ADGRG1: variants seen among roughly 807,000 people sequenced by gnomAD.
ADGRG1 encodes the protein adhesion G protein-coupled receptor G1.
In ADGRG1, 53 loss-of-function variants were observed where a neutral mutation model predicts 73.5. That is an observed-to-expected ratio of 0.72 (90% confidence interval 0.58 to 0.91). The LOEUF (loss-of-function observed/expected upper bound fraction) is 0.91. Among genes scored for constraint, ADGRG1 ranks in the 40% least tolerant of loss-of-function variants. ADGRG1 has a pLI of 0.00. For synonymous variants in ADGRG1, 394 were observed against 374.4 expected, an observed-to-expected ratio of 1.05 and a Z score of -0.60; for missense variants, 795 against 871.8, an observed-to-expected ratio of 0.91 and a Z score of 1.11.
At chr16:57,648,901 G>A (rs748187471) in intron 1 of ADGRG1, among the ~76,000 whole-genome samples, 8 of 152,218 alleles carry the variant, frequency 5.3e-5, no homozygotes, top group Non-Finnish European at 8.8e-5. Context: ...CCCTGGCCTC[G>A]GGAGCATTTT....
intron 1 of ADGRG1, chr16:57,648,071 C>T (rs2148090828): frequency 6.6e-6 from 1 of 152,382 alleles, no homozygotes; most frequent in Non-Finnish European, 1.5e-5. Flanking sequence ...CTCAGGAGGT[C>T]ACTGGCCCTC....
intron 2 of ADGRG1, chr16:57,650,862 C>T (rs1298600798): frequency 1.2e-5 from 2 of 160,392 alleles, no homozygotes; most frequent in African/African-American, 2.4e-5. Context: ...GCGCCCGCCA[C>T]TATGCCCGGC....
At chr16:57,655,633 C>T in intron 6 of ADGRG1, 103 bp downstream of exon 6, 1 of 1,591,088 alleles carries the variant, frequency 6.3e-7, no homozygotes. Context: ...GGAGTCAAAG[C>T]CTTTCCTTGT....
At chr16:57,631,692 C>CG in intron 1 of ADGRG1, 1 of 858,556 alleles carries the variant, frequency 1.2e-6, no homozygotes, top group Non-Finnish European at 1.4e-6. Flanking sequence ...AAATGGGGGG[C>CG]GGGGCGGGCT....
At chr16:57,635,242 A>G in intron 1 of ADGRG1, 1 of 985,380 alleles carries the variant, frequency 1.0e-6, no homozygotes, top group South Asian at 4.7e-5. Flanking sequence ...AAGCTGGAAG[A>G]AACCCTCGTG....
intron 1 of ADGRG1, chr16:57,645,015 C>T (rs1422316028): frequency 4.3e-6 from 4 of 936,224 alleles, no homozygotes; most frequent in South Asian, 4.9e-5. Flanking sequence ...CATGCATGGG[C>T]GCACACACTC....
At chr16:57,649,797 A>G (rs2043588056) in intron 1 of ADGRG1, among the ~76,000 whole-genome samples, 1 of 151,592 alleles carries the variant, frequency 6.6e-6, no homozygotes, top group African/African-American at 2.4e-5. Context: ...TTTTTTTTTA[A>G]AGCAGGGTCT....
At chr16:57,659,770 T>C in intron 11 of ADGRG1, 89 bp downstream of exon 11, 1 of 1,371,454 alleles carries the variant, frequency 7.3e-7, no homozygotes, top group East Asian at 2.3e-5. Context: ...TCTCCACCTA[T>C]CTCTCTGACT....
At chr16:57,622,486 G>A (rs142421494) in intron 2 of ADGRG1, among the ~76,000 whole-genome samples, 1 of 152,288 alleles carries the variant, frequency 6.6e-6, no homozygotes, top group East Asian at 1.9e-4. Context: ...GAGGTGCAGA[G>A]GACACCGTGA....
At chr16:57,629,116 G>A (rs920863411) in intron 1 of ADGRG1, 14 of 947,534 alleles carry the variant, frequency 1.5e-5, no homozygotes, top group African/African-American at 3.5e-5. Context: ...GTGTGCATCC[G>A]TGCACGGGTG....
chr16:57,659,360 A>G lies in ADGRG1; in HGVS notation c.1287-53A>G, dbSNP rs756115385. 7.5e-6 allele frequency: 12 copies of G among 1,610,680 alleles called. No individual in the cohort carries two copies. In the Admixed American group the frequency reaches 1.7e-4, roughly 22 times the overall value. On this transcript the variant is annotated intron_variant, in intron 10 of 13. Coordinates refer to ENST00000562631, the MANE Select transcript of ADGRG1 (RefSeq NM_201525.4). ...GGCTTCCTGGAGGAGATGTGGGCAC[A>G]CTCCCCTCTCTACCTTCCCACACTG...
At chr16:57,632,855 G>A (rs1313022604) in intron 1 of ADGRG1, 2 of 985,280 alleles carry the variant, frequency 2.0e-6, no homozygotes, top group Non-Finnish European at 2.4e-6. Flanking sequence ...TGGCCTTGCT[G>A]TCCAAGAGCC....
At chr16:57,654,421 C>A (rs12597777) in intron 5 of ADGRG1, among the ~76,000 whole-genome samples, 1 of 114,050 alleles carries the variant, frequency 8.8e-6, no homozygotes, top group South Asian at 3.8e-4. Flanking sequence ...CCCCCCCCCC[C>A]GTTTTTTTTT....
At chr16:57,639,648 C>T in intron 1 of ADGRG1, 1 of 985,610 alleles carries the variant, frequency 1.0e-6, no homozygotes. Context: ...CTATAGTCTG[C>T]CTGATGCCAC....
chr16:57,635,280 C>A (rs2039071913), intron 1 of ADGRG1: 1 of 985,180 alleles, frequency 1.0e-6, no homozygotes. Context: ...TGTACTTATC[C>A]TATGCCATGG....
intron 1 of ADGRG1, chr16:57,649,934 T>C (rs2043628428): frequency 6.4e-6 from 1 of 155,232 alleles, no homozygotes; most frequent in African/African-American, 2.4e-5. Flanking sequence ...TACACCGCCA[T>C]GCCTGGCTAA....
intron 1 of ADGRG1, chr16:57,647,581 G>C (rs1392020698): frequency 2.4e-6 from 1 of 415,262 alleles, no homozygotes; most frequent in African/African-American, 2.2e-5. Context: ...GCGAGGCCCA[G>C]AGAAGGTGAG....
At chr16:57,625,342 C>T (rs145418377), upstream of ADGRG1, among the ~76,000 whole-genome samples, 916 of 152,224 alleles carry the variant, frequency 6.0e-3, 10 homozygotes, top group African/African-American at 0.021. Flanking sequence ...CTCTGCCTTC[C>T]GGATCTGCAC....
chr16:57,658,913 G>A, intron 10 of ADGRG1: 1 of 981,756 alleles, frequency 1.0e-6, no homozygotes, highest in Non-Finnish European at 1.2e-6. Context: ...TGCATGTTCT[G>A]CTGCACCCTC....
Sources: gnomAD v4.1 joint callset for allele counts (sites outside exome capture counted in the v4.1 genomes callset) on GRCh38, gnomAD v4.1.1 for gene constraint, MANE v1.5 for transcripts, NCBI Gene and HGNC (gene_info 2026-07-23, HGNC 2026-07-21) for gene names.